CSGALNACT1: variants seen among roughly 807,000 people sequenced by gnomAD.
The protein encoded by CSGALNACT1 is chondroitin sulfate N-acetylgalactosaminyltransferase 1, also known as beta4GalNAcT-1.
Under a neutral mutation model 51.0 loss-of-function variants are expected in CSGALNACT1, and 52 were observed. The ratio of observed to expected loss-of-function variants is 1.02; its 90% confidence interval spans 0.82 to 1.29. CSGALNACT1 has a LOEUF of 1.29. CSGALNACT1 is among the 50% of genes most tolerant of loss of function. CSGALNACT1 has a pLI of 0.00. For missense variants in CSGALNACT1, 935 were observed against 679.2 expected (o/e 1.38, Z -4.19); for synonymous variants, 341 against 254.4 (o/e 1.34, Z -3.24).
At chr8:19,704,112 A>G (rs1195694738) in intron 1 of CSGALNACT1, among the ~76,000 whole-genome samples, 1 of 152,198 alleles carries the variant, frequency 6.6e-6, no homozygotes, top group Non-Finnish European at 1.5e-5. Flanking sequence ...ACCAAGCTTG[A>G]TGGTTAATTA....
At chr8:19,646,920 T>C (rs1313235499) in intron 1 of CSGALNACT1, among the ~76,000 whole-genome samples, 1 of 151,874 alleles carries the variant, frequency 6.6e-6, no homozygotes, top group Non-Finnish European at 1.5e-5. Flanking sequence ...ATAACAACAA[T>C]CCTGAATAAA....
intron 3 of CSGALNACT1, among the ~76,000 whole-genome samples, chr8:19,551,313 C>G (rs1209307617): frequency 6.6e-6 from 1 of 152,158 alleles, no homozygotes; most frequent in South Asian, 2.1e-4. Flanking sequence ...TCAGATCATG[C>G]TCATTCCACC....
chr8:19,413,711 G>A (rs1348621578), intron 8 of CSGALNACT1, among the ~76,000 whole-genome samples: 1 of 152,184 alleles, frequency 6.6e-6, no homozygotes, highest in Non-Finnish European at 1.5e-5. Context: ...TGCACACACT[G>A]AACAGTATCA....
intron 8 of CSGALNACT1, among the ~76,000 whole-genome samples, chr8:19,409,865 CT>C (rs1563261473): frequency 1.3e-5 from 2 of 152,088 alleles, no homozygotes; most frequent in Non-Finnish European, 1.5e-5. Context: ...CTTCATGCAT[CT>C]ATTTTTTTTT....
chr8:19,514,475 C>CTATATATATATATATACATATATATA (rs2079086873), intron 3 of CSGALNACT1, among the ~76,000 whole-genome samples: 1 of 78,818 alleles, frequency 1.3e-5, no homozygotes, highest in African/African-American at 6.0e-5. Context: ...TGAACAGAGA[C>CTATATATATATATATACATATATATA]TATATATATA....
chr8:19,581,120 A>G (rs945513200), intron 3 of CSGALNACT1, among the ~76,000 whole-genome samples: 2 of 152,238 alleles, frequency 1.3e-5, no homozygotes, highest in Non-Finnish European at 2.9e-5. Flanking sequence ...AAACTGATGA[A>G]AGGTATCAAG....
At chr8:19,448,513 C>T (rs1262238457) in intron 5 of CSGALNACT1, among the ~76,000 whole-genome samples, 1 of 151,998 alleles carries the variant, frequency 6.6e-6, no homozygotes, top group Admixed American at 6.6e-5. Context: ...AACTAAAGAG[C>T]CATAATATAA....
intron 4 of CSGALNACT1, among the ~76,000 whole-genome samples, chr8:19,497,532 G>A (rs557903162): frequency 6.8e-4 from 103 of 152,102 alleles, no homozygotes; most frequent in African/African-American, 2.1e-3. Flanking sequence ...GCTATCTGAC[G>A]GAGAATTTAA....
upstream of CSGALNACT1, among the ~76,000 whole-genome samples, chr8:19,683,498 G>A (rs2060781216): frequency 6.6e-6 from 1 of 152,190 alleles, no homozygotes; most frequent in African/African-American, 2.4e-5. Context: ...ACCAATGGCA[G>A]CCAGTTAGAA....
At chr8:19,504,297 C>T (rs1035703110) in intron 4 of CSGALNACT1, among the ~76,000 whole-genome samples, 2 of 152,078 alleles carry the variant, frequency 1.3e-5, no homozygotes, top group African/African-American at 4.8e-5. Flanking sequence ...AGGATGGTCT[C>T]GATCTCCCGA....
chr8:19,612,260 T>C (rs973353309), intron 1 of CSGALNACT1, among the ~76,000 whole-genome samples: 1 of 152,028 alleles, frequency 6.6e-6, no homozygotes, highest in African/African-American at 2.4e-5. Flanking sequence ...AGAGAATTGC[T>C]TGAGCCTGGG....
At chr8:19,598,053 A>G (rs1400674247) in intron 2 of CSGALNACT1, among the ~76,000 whole-genome samples, 2 of 152,208 alleles carry the variant, frequency 1.3e-5, no homozygotes, top group African/African-American at 2.4e-5. Context: ...CTGGAGGGTC[A>G]AGAGGAAGGG....
chr8:19,415,871 A>G (rs1191230317), intron 8 of CSGALNACT1, among the ~76,000 whole-genome samples: 1 of 152,238 alleles, frequency 6.6e-6, no homozygotes, highest in Non-Finnish European at 1.5e-5. Flanking sequence ...TCTGTCAATG[A>G]GGGTGATACG....
intron 3 of CSGALNACT1, among the ~76,000 whole-genome samples, chr8:19,567,561 C>G (rs77223539): frequency 6.6e-6 from 1 of 152,080 alleles, no homozygotes; most frequent in Non-Finnish European, 1.5e-5. Flanking sequence ...TCTTCTTTTG[C>G]GATCTGGATT....
intron 1 of CSGALNACT1, among the ~76,000 whole-genome samples, chr8:19,675,008 G>T (rs2060074011): frequency 6.6e-6 from 1 of 152,120 alleles, no homozygotes; most frequent in Non-Finnish European, 1.5e-5. Flanking sequence ...AAGTTGAGAT[G>T]CTCAATTGAC....
At chr8:19,655,577 CACATATAT>C (rs1295110280) in intron 1 of CSGALNACT1, among the ~76,000 whole-genome samples, 20 of 147,630 alleles carry the variant, frequency 1.4e-4, no homozygotes, top group African/African-American at 3.7e-4. Flanking sequence ...CACACACACA[CACATATAT>C]ATATATATAT....
intron 6 of CSGALNACT1, 94 bp downstream of exon 5, chr8:19,439,736 A>T: frequency 1.0e-6 from 1 of 964,130 alleles, no homozygotes; most frequent in South Asian, 1.4e-5. Context: ...CACAGTGTAA[A>T]GGAAAATAAA....
chr8:19,472,244 C>G (rs115164336), intron 4 of CSGALNACT1, among the ~76,000 whole-genome samples: 89 of 152,322 alleles, frequency 5.8e-4, no homozygotes, highest in African/African-American at 2.1e-3. Flanking sequence ...ACTTCCTCTG[C>G]AAACACATTC....
chr8:19,478,979 G>A (rs1442338964), intron 4 of CSGALNACT1, among the ~76,000 whole-genome samples: 1 of 152,158 alleles, frequency 6.6e-6, no homozygotes, highest in Non-Finnish European at 1.5e-5. Context: ...TGAGAAGCAG[G>A]ATGAGTTCTT....
Sources: gnomAD v4.1 joint callset for allele counts (sites outside exome capture counted in the v4.1 genomes callset) on GRCh38, gnomAD v4.1.1 for gene constraint, MANE v1.5 for transcripts, NCBI Gene and HGNC (gene_info 2026-07-23, HGNC 2026-07-21) for gene names.